MARCHF1: variants seen among roughly 807,000 people sequenced by gnomAD.
The protein encoded by MARCHF1 is membrane associated ring-CH-type finger 1.
A neutral mutation model predicts 54.2 loss-of-function variants in MARCHF1; 40 were observed. That is an observed-to-expected ratio of 0.74 (90% CI 0.57 to 0.96). The LOEUF (loss-of-function observed/expected upper bound fraction) is 0.96, where lower values mean the gene tolerates loss of function less well. MARCHF1 is among the 40% of genes least tolerant of loss of function. MARCHF1 has a pLI of 0.00. For synonymous variants in MARCHF1, 236 were observed against 236.3 expected, an observed-to-expected ratio of 1.00 and a Z score of 0.01; for missense variants, 586 against 656.5, an observed-to-expected ratio of 0.89 and a Z score of 1.17.
At chr4:163,767,403 G>A (rs1377107996) in intron 4 of MARCHF1, among the ~76,000 whole-genome samples, 2 of 150,946 alleles carry the variant, frequency 1.3e-5, no homozygotes, top group Non-Finnish European at 2.9e-5. Flanking sequence ...GCGCGATCTC[G>A]GCTCACCGCA....
At chr4:163,639,270 G>A (rs1742468921) in intron 5 of MARCHF1, among the ~76,000 whole-genome samples, 1 of 152,062 alleles carries the variant, frequency 6.6e-6, no homozygotes, top group Admixed American at 6.6e-5. Context: ...ATCCATATCA[G>A]GTTGTAATTT....
intron 2 of MARCHF1, among the ~76,000 whole-genome samples, chr4:164,035,802 C>T (rs1392803696): frequency 2.0e-5 from 3 of 151,096 alleles, no homozygotes; most frequent in Non-Finnish European, 4.4e-5. Flanking sequence ...GTATTTTGGC[C>T]GGGTGCGGTG....
intron 8 of MARCHF1, among the ~76,000 whole-genome samples, chr4:163,563,705 G>A (rs945692848): frequency 8.5e-5 from 13 of 152,122 alleles, no homozygotes; most frequent in Non-Finnish European, 1.6e-4. Context: ...TAAGAATACC[G>A]ATTTCATGTT....
chr4:163,907,000 G>C (rs1398147012), intron 3 of MARCHF1, among the ~76,000 whole-genome samples: 2 of 151,986 alleles, frequency 1.3e-5, no homozygotes, highest in Admixed American at 6.6e-5. Context: ...GTGAACATAT[G>C]TGATGCATTC....
At chr4:164,188,701 G>A (rs1731043419) in intron 1 of MARCHF1, 1 of 1,077,364 alleles carries the variant, frequency 9.3e-7, no homozygotes, top group Non-Finnish European at 1.5e-6. Context: ...ACCTGTCTAT[G>A]CAGCAGGACA....
intron 1 of MARCHF1, among the ~76,000 whole-genome samples, chr4:164,359,462 A>G (rs1310139463): frequency 1.3e-5 from 2 of 152,130 alleles, no homozygotes; most frequent in Admixed American, 6.6e-5. Context: ...GACATTTCCT[A>G]TGGTATGATG....
At chr4:164,197,676 C>A in intron 1 of MARCHF1, 1 of 1,612,546 alleles carries the variant, frequency 6.2e-7, no homozygotes, top group East Asian at 2.2e-5. Context: ...GCGCCCTGTT[C>A]CGCAGCTCTG....
At chr4:163,750,630 A>T (rs938756276) in intron 4 of MARCHF1, among the ~76,000 whole-genome samples, 19 of 152,180 alleles carry the variant, frequency 1.2e-4, no homozygotes, top group African/African-American at 4.3e-4. Flanking sequence ...TGGGCAAATA[A>T]TTTCAAGCAC....
chr4:163,764,354 A>G (rs1178335644), intron 4 of MARCHF1, among the ~76,000 whole-genome samples: 1 of 152,128 alleles, frequency 6.6e-6, no homozygotes, highest in Non-Finnish European at 1.5e-5. Flanking sequence ...AAGAAATCGT[A>G]TCCAGAAGCT....
intron 1 of MARCHF1, among the ~76,000 whole-genome samples, chr4:164,166,790 CAGTG>C (rs1201976345): frequency 6.6e-6 from 1 of 151,658 alleles, no homozygotes; most frequent in East Asian, 1.9e-4. Context: ...TAAACAAATT[CAGTG>C]AATTTTCAGG....
In MARCHF1 at chr4:163,545,637, A is replaced by C; in HGVS notation, c.1298T>G (p.Ile433Arg). 6.2e-7 allele frequency: 1 copy of C among 1,614,046 alleles called. No individual in the cohort carries two copies. Among genetic ancestry groups the C allele is most frequent in the Non-Finnish European group, 8.5e-7 (1 of 1,179,964 alleles). ...TCVVWSLYVL[I>R]DRTAEEIKQG... ...CTTGATTTCCTCCGCTGTCCGGTCTATCAATACATACAAAGACCAAACCAC... is the reference window on the plus strand; with the variant it reads ...CTTGATTTCCTCCGCTGTCCGGTCTCTCAATACATACAAAGACCAAACCAC... Residue 433 changes from isoleucine (I) to arginine (R), a missense_variant, in exon 9 of 10, where the codon ATA (isoleucine) becomes AGA (arginine). By Grantham distance (97) the Ile-to-Arg change is moderately conservative (BLOSUM62 -3). Around this residue, in one of 3 missense-constraint regions of MARCHF1, gnomAD observed 93 missense variants for 168.2 expected, o/e 0.55. Transcript: ENST00000514618.
intron 1 of MARCHF1, among the ~76,000 whole-genome samples, chr4:164,270,487 T>A (rs180956336): frequency 2.6e-4 from 40 of 152,360 alleles, no homozygotes; most frequent in African/African-American, 9.4e-4. Flanking sequence ...CAGATATTTC[T>A]GTTTGGTTCA....
intron 5 of MARCHF1, chr4:163,613,600 C>T (rs1374498129): frequency 1.7e-5 from 25 of 1,445,606 alleles, no homozygotes; most frequent in Admixed American, 2.8e-5. Context: ...TGAGATGCTG[C>T]GCTATTTTGC....
chr4:164,145,091 C>G (rs1408156659), intron 1 of MARCHF1, among the ~76,000 whole-genome samples: 2 of 145,532 alleles, frequency 1.4e-5, no homozygotes, highest in Non-Finnish European at 3.0e-5. Context: ...ATACATTCCT[C>G]GACACATACA....
chr4:163,640,456 T>C (rs1043019951), intron 5 of MARCHF1, among the ~76,000 whole-genome samples: 5 of 152,140 alleles, frequency 3.3e-5, no homozygotes, highest in African/African-American at 7.2e-5. Flanking sequence ...GTTAAAGATA[T>C]ACACCTAGTC....
chr4:164,122,874 G>C (rs564172708), intron 1 of MARCHF1, among the ~76,000 whole-genome samples: 1 of 152,112 alleles, frequency 6.6e-6, no homozygotes, highest in South Asian at 2.1e-4. Context: ...TCTGGAACAC[G>C]ACAAGGATGC....
intron 1 of MARCHF1, chr4:164,196,895 G>A (rs1731277038): frequency 1.5e-6 from 2 of 1,322,490 alleles, no homozygotes; most frequent in Middle Eastern, 1.9e-4. Context: ...AGTTTCAGGG[G>A]GCAGGATTGG....
At chr4:164,369,175 T>TGAGACAGACC (rs1730962485) in intron 1 of MARCHF1, among the ~76,000 whole-genome samples, 1 of 152,166 alleles carries the variant, frequency 6.6e-6, no homozygotes, top group African/African-American at 2.4e-5. Context: ...CCAGACAGGC[T>TGAGACAGACC]CACGGCCAGA....
At chr4:164,057,483 C>G (rs1020093761) in intron 2 of MARCHF1, among the ~76,000 whole-genome samples, 7 of 152,198 alleles carry the variant, frequency 4.6e-5, no homozygotes, top group South Asian at 2.1e-4. Flanking sequence ...TAACCAAATT[C>G]TGGCTGACAA....
Sources: allele counts gnomAD v4.1 joint callset (sites outside exome capture counted in the v4.1 genomes callset), GRCh38; gene constraint gnomAD v4.1.1; regional missense constraint gnomAD v4.1.1; transcripts MANE v1.5; gene names NCBI Gene and HGNC (gene_info 2026-07-23, HGNC 2026-07-21).